Variants in DPP10 observed in about 807,000 individuals in gnomAD.
DPP10 encodes dipeptidyl peptidase like 10, also known as inactive dipeptidyl peptidase 10.
In DPP10, 33 loss-of-function variants were observed where a neutral mutation model predicts 120.9. That is an observed-to-expected ratio of 0.27 (90% CI 0.21 to 0.37). DPP10 has a LOEUF of 0.37. Among genes scored for constraint, DPP10 ranks in the 10% least tolerant of loss-of-function variants. DPP10 has a pLI of 1.00. For missense variants in DPP10, 816 were observed against 942.8 expected (o/e 0.87, Z 1.76); for synonymous variants, 337 against 326.1 (o/e 1.03, Z -0.36).
chr2:115,303,029 C>T (rs189901628), intron 1 of DPP10, among the ~76,000 whole-genome samples: 26 of 152,050 alleles, frequency 1.7e-4, no homozygotes, highest in African/African-American at 6.0e-4. Flanking sequence ...GAAACCATGA[C>T]TGTTTCTCCT....
intron 5 of DPP10, among the ~76,000 whole-genome samples, chr2:115,544,034 T>C (rs747116434): frequency 6.7e-6 from 1 of 149,788 alleles, no homozygotes; most frequent in South Asian, 2.1e-4. Flanking sequence ...GTAAGGAAAA[T>C]AATTAAAGAA....
intron 1 of DPP10, among the ~76,000 whole-genome samples, chr2:114,592,188 G>C (rs1440423109): frequency 6.6e-6 from 1 of 152,140 alleles, no homozygotes; most frequent in Non-Finnish European, 1.5e-5. Flanking sequence ...TAGAGTTGGA[G>C]GACTTGTGAC....
intron 2 of DPP10, among the ~76,000 whole-genome samples, chr2:115,314,849 C>T (rs931931225): frequency 2.0e-5 from 3 of 152,058 alleles, no homozygotes; most frequent in African/African-American, 7.2e-5. Flanking sequence ...ATAGGCAGCC[C>T]TATTCAGAAA....
At chr2:115,633,576 A>T (rs1056900887) in intron 5 of DPP10, among the ~76,000 whole-genome samples, 9 of 152,178 alleles carry the variant, frequency 5.9e-5, no homozygotes, top group African/African-American at 2.2e-4. Flanking sequence ...AACTTAAAGT[A>T]TAAAAAAAAA....
intron 1 of DPP10, among the ~76,000 whole-genome samples, chr2:115,215,701 G>T (rs1432485272): frequency 3.3e-5 from 5 of 152,268 alleles, no homozygotes; most frequent in Admixed American, 3.3e-4. Flanking sequence ...ACAGTATGCA[G>T]ATTTTTTCAA....
intron 1 of DPP10, among the ~76,000 whole-genome samples, chr2:114,884,306 T>C (rs1691878827): frequency 6.6e-6 from 1 of 152,202 alleles, no homozygotes; most frequent in South Asian, 2.1e-4. Context: ...AGAGCACACA[T>C]TTATTATCTT....
At chr2:115,313,751 A>G (rs969671415) in intron 2 of DPP10, among the ~76,000 whole-genome samples, 1 of 152,192 alleles carries the variant, frequency 6.6e-6, no homozygotes, top group African/African-American at 2.4e-5. Flanking sequence ...CCTTGTGAAG[A>G]GAAGTCCTAA....
intron 7 of DPP10, among the ~76,000 whole-genome samples, chr2:115,709,273 C>G (rs1198100217): frequency 6.6e-6 from 1 of 151,992 alleles, no homozygotes; most frequent in Admixed American, 6.6e-5. Flanking sequence ...AGAAAGAGCC[C>G]TTGAGTAGCT....
chr2:115,756,348 A>G (rs1009488623), intron 11 of DPP10, among the ~76,000 whole-genome samples: 3 of 152,178 alleles, frequency 2.0e-5, no homozygotes, highest in Non-Finnish European at 2.9e-5. Flanking sequence ...TTTAAAGCAC[A>G]TAAAAAATGA....
At chr2:114,833,283 A>AG (rs1034526898) in intron 1 of DPP10, 1 of 9,016 alleles carries the variant, frequency 1.1e-4, no homozygotes, top group Admixed American at 1.4e-3. Flanking sequence ...TTAATTCTTT[A>AG]AAAAAAAAAA....
chr2:114,662,535 A>C (rs74736666), intron 1 of DPP10, among the ~76,000 whole-genome samples: 14,728 of 152,116 alleles, frequency 0.097, 1,000 homozygotes, highest in Admixed American at 0.2. Flanking sequence ...GACAACGTCC[A>C]GAGACCCAGC....
chr2:115,602,101 A>T (rs1415382997), intron 5 of DPP10, among the ~76,000 whole-genome samples: 1 of 152,180 alleles, frequency 6.6e-6, no homozygotes, highest in Non-Finnish European at 1.5e-5. Context: ...GGACATTTTC[A>T]TGAATAAAAC....
intron 1 of DPP10, chr2:115,161,847 C>A: frequency 6.1e-6 from 6 of 981,344 alleles, no homozygotes; most frequent in Non-Finnish European, 8.1e-6. Flanking sequence ...CCCGTCCCTT[C>A]CGCCGATTCC....
chr2:115,431,306 G>A (rs909461534), intron 3 of DPP10, among the ~76,000 whole-genome samples: 2 of 152,118 alleles, frequency 1.3e-5, no homozygotes, highest in Non-Finnish European at 2.9e-5. Flanking sequence ...CCTGAGCATC[G>A]GTTTGAGTAA....
At chr2:115,624,165 A>G (rs1264685668) in intron 5 of DPP10, among the ~76,000 whole-genome samples, 1 of 152,188 alleles carries the variant, frequency 6.6e-6, no homozygotes, top group Non-Finnish European at 1.5e-5. Flanking sequence ...GAAAGATGAT[A>G]TAATAGATTA....
At chr2:114,550,490 C>A (rs192506395) in intron 1 of DPP10, among the ~76,000 whole-genome samples, 217 of 152,304 alleles carry the variant, frequency 1.4e-3, no homozygotes, top group African/African-American at 5.0e-3. Flanking sequence ...GGACTTCGAC[C>A]AGACATCTGC....
chr2:114,634,062 C>T (rs552197119), intron 1 of DPP10, among the ~76,000 whole-genome samples: 2 of 151,956 alleles, frequency 1.3e-5, no homozygotes, highest in African/African-American at 4.8e-5. Flanking sequence ...TAAAAATATA[C>T]CCCACTAAAA....
chr2:114,620,702 T>C (rs1269074557), intron 1 of DPP10, among the ~76,000 whole-genome samples: 1 of 152,042 alleles, frequency 6.6e-6, no homozygotes. Context: ...CTAGGCCAAT[T>C]AATTGGCAAA....
chr2:115,650,946 G>C (rs60090069), intron 5 of DPP10, among the ~76,000 whole-genome samples: 2,553 of 152,134 alleles, frequency 0.017, 62 homozygotes, highest in African/African-American at 0.059. Context: ...CATTTCTCAA[G>C]ACTCACCTCA....
Sources: gnomAD v4.1 joint callset for allele counts (sites outside exome capture counted in the v4.1 genomes callset) on GRCh38, gnomAD v4.1.1 for gene constraint, MANE v1.5 for transcripts, NCBI Gene and HGNC (gene_info 2026-07-23, HGNC 2026-07-21) for gene names.